The following IL1RAPL2 variants were observed in gnomAD, a reference collection of about 807,000 sequenced individuals.
IL1RAPL2 encodes interleukin 1 receptor accessory protein like 2.
IL1RAPL2 carries 3 observed loss-of-function variants against 44.1 expected under a neutral mutation model. The observed-to-expected ratio is 0.07, with a 90% confidence interval of 0.03 to 0.18. The LOEUF (loss-of-function observed/expected upper bound fraction) is 0.18, where lower values mean the gene tolerates loss of function less well. IL1RAPL2 is among the 10% of genes least tolerant of loss of function. The pLI is 1.00. For missense variants in IL1RAPL2, 391 were observed against 496.4 expected (o/e 0.79, Z 2.02); for synonymous variants, 181 against 178.8 (o/e 1.01, Z -0.10).
chrX:105,538,182 A>G (rs1397519304), intron 6 of IL1RAPL2, among the ~76,000 whole-genome samples: 2 of 107,492 alleles, frequency 1.9e-5, no homozygotes, highest in Admixed American at 1.0e-4. Flanking sequence ...GACTACGGGC[A>G]CCCGCCACCA....
chrX:105,010,903 T>G (rs774565607), intron 2 of IL1RAPL2, among the ~76,000 whole-genome samples: 1 of 111,548 alleles, frequency 9.0e-6, no homozygotes, highest in Non-Finnish European at 1.9e-5. Flanking sequence ...TAGTAGAGAC[T>G]ATAGGAAGTA....
intron 2 of IL1RAPL2, among the ~76,000 whole-genome samples, chrX:104,700,399 A>G (rs1931255457): frequency 9.0e-6 from 1 of 111,490 alleles, no homozygotes; most frequent in African/African-American, 3.3e-5. Context: ...TACTTGGTAT[A>G]GCTTTTCTCT....
chrX:105,292,411 G>A (rs952970771), intron 5 of IL1RAPL2, among the ~76,000 whole-genome samples: 3 of 111,886 alleles, frequency 2.7e-5, no homozygotes, highest in Non-Finnish European at 5.6e-5. Context: ...GTATAGTATC[G>A]AAGAAGATCA....
At chrX:105,512,405 T>A (rs1219458400) in intron 6 of IL1RAPL2, among the ~76,000 whole-genome samples, 1 of 111,537 alleles carries the variant, frequency 9.0e-6, no homozygotes, top group Non-Finnish European at 1.9e-5. Flanking sequence ...AAGTGGTACT[T>A]CAACTGTGGC....
intron 6 of IL1RAPL2, among the ~76,000 whole-genome samples, chrX:105,715,036 C>G (rs2038245098): frequency 8.9e-6 from 1 of 111,995 alleles, no homozygotes; most frequent in South Asian, 3.7e-4. Flanking sequence ...CTCCAGTGTT[C>G]CATGTGTTCT....
chrX:104,718,789 G>A (rs756452405), intron 2 of IL1RAPL2, among the ~76,000 whole-genome samples: 110 of 111,634 alleles, frequency 9.9e-4, no homozygotes, highest in Non-Finnish European at 1.7e-3. Context: ...ATGATTTACT[G>A]CAGGATTCTT....
At chrX:104,723,630 A>C (rs980838546) in intron 2 of IL1RAPL2, among the ~76,000 whole-genome samples, 6 of 110,924 alleles carry the variant, frequency 5.4e-5, no homozygotes, top group Admixed American at 9.6e-5. Context: ...ACAACAACAA[A>C]AAAATCCTAC....
chrX:105,406,477 A>C, intron 5 of IL1RAPL2: 1 of 1,200,803 alleles, frequency 8.3e-7, no homozygotes, highest in Non-Finnish European at 1.1e-6. Flanking sequence ...ATTCACCAAT[A>C]TCCCGAAAGG....
At chrX:105,029,199 T>A (rs923620409) in intron 2 of IL1RAPL2, among the ~76,000 whole-genome samples, 2 of 108,584 alleles carry the variant, frequency 1.8e-5, no homozygotes, top group African/African-American at 3.3e-5. Context: ...AGAGTCTTTT[T>A]TTTTTAGTTG....
chrX:105,352,703 G>A (rs1402627938), intron 5 of IL1RAPL2, among the ~76,000 whole-genome samples: 4 of 109,693 alleles, frequency 3.6e-5, no homozygotes, highest in Admixed American at 2.9e-4. Flanking sequence ...ATTTTTTCAT[G>A]TGTCTTTTGG....
At chrX:105,387,993 A>G (rs2035489944) in intron 5 of IL1RAPL2, among the ~76,000 whole-genome samples, 2 of 106,138 alleles carry the variant, frequency 1.9e-5, no homozygotes, top group Non-Finnish European at 1.9e-5. Flanking sequence ...TACTAAAAAT[A>G]CAAAATTAGC....
chrX:105,154,069 A>C (rs1162882242), intron 2 of IL1RAPL2, among the ~76,000 whole-genome samples: 1 of 111,813 alleles, frequency 8.9e-6, no homozygotes, highest in African/African-American at 3.3e-5. Flanking sequence ...AGGGCCTGCT[A>C]TCTGTCATGT....
chrX:105,607,635 CAAAAAAAAAAA>C lies in IL1RAPL2; in HGVS notation c.773-109714_773-109704del, dbSNP rs11377516. ...AAAAGATGCATGGACATTCAGCAGA[CAAAAAAAAAAA>C]AAAAAAAAAAAAAAAAAGGAAATAA... On this transcript the variant is annotated intron_variant, in intron 6 of 10. Coordinates refer to ENST00000372582, the MANE Select transcript of IL1RAPL2 (RefSeq NM_017416.2). Among the ~76,000 whole-genome samples, 14 of 15,727 alleles carry C rather than the reference CAAAAAAAAAAA, an allele frequency of 8.9e-4. No individual in the cohort carries two copies. The East Asian group carries it at 0.011, about 13-fold the overall frequency. The allele number at this position is 15,727 out of a possible 115,157, so 13.7% of individuals were successfully genotyped here. A position where few individuals can be genotyped will look rare whatever the true frequency, so the allele number is the denominator to read the frequency against.
At chrX:105,252,384 G>A (rs1451786666) in intron 4 of IL1RAPL2, among the ~76,000 whole-genome samples, 1 of 111,710 alleles carries the variant, frequency 9.0e-6, no homozygotes, top group African/African-American at 3.2e-5. Flanking sequence ...ACTGTTACAA[G>A]CATTGGGTTT....
chrX:105,707,103 C>T (rs191604506), intron 6 of IL1RAPL2, among the ~76,000 whole-genome samples: 10 of 111,585 alleles, frequency 9.0e-5, no homozygotes, highest in Admixed American at 1.9e-4. Flanking sequence ...ATACAGCACT[C>T]GGAATGATTT....
intron 5 of IL1RAPL2, among the ~76,000 whole-genome samples, chrX:105,447,334 A>AATATAAAT (rs1337753976): frequency 6.1e-5 from 4 of 65,084 alleles, no homozygotes; most frequent in South Asian, 9.8e-4. Flanking sequence ...TATATATAAA[A>AATATAAAT]ATATAAATAT....
intron 2 of IL1RAPL2, among the ~76,000 whole-genome samples, chrX:105,076,356 A>G (rs1212805555): frequency 2.7e-5 from 3 of 111,318 alleles, no homozygotes; most frequent in Non-Finnish European, 5.7e-5. Context: ...AGTGGTTTTG[A>G]GTGAGTTTCT....
At chrX:104,949,991 G>T (rs994579889) in intron 2 of IL1RAPL2, among the ~76,000 whole-genome samples, 9 of 110,872 alleles carry the variant, frequency 8.1e-5, no homozygotes, top group Non-Finnish European at 1.7e-4. Flanking sequence ...TTTCTGTCTC[G>T]TTGATCTGTC....
chrX:105,354,671 A>G (rs1400260565), intron 5 of IL1RAPL2, among the ~76,000 whole-genome samples: 1 of 109,521 alleles, frequency 9.1e-6, no homozygotes, highest in Admixed American at 9.6e-5. Context: ...GAAAACCTAT[A>G]TTCTAAACAG....
Sources: allele counts gnomAD v4.1 joint callset (sites outside exome capture counted in the v4.1 genomes callset), GRCh38; gene constraint gnomAD v4.1.1; transcripts MANE v1.5; gene names NCBI Gene and HGNC (gene_info 2026-07-23, HGNC 2026-07-21).